IGF1R: variants seen among roughly 807,000 people sequenced by gnomAD.
IGF1R encodes insulin-like growth factor 1 receptor.
Under a neutral mutation model 144.6 loss-of-function variants are expected in IGF1R, and 44 were observed. The ratio of observed to expected loss-of-function variants is 0.30; its 90% CI spans 0.24 to 0.39. The LOEUF (loss-of-function observed/expected upper bound fraction) is 0.39. Among genes scored for constraint, IGF1R ranks in the 10% least tolerant of loss-of-function variants. IGF1R has a pLI of 1.00. For missense variants in IGF1R, 1,355 were observed against 1,833.7 expected, an observed-to-expected ratio of 0.74 and a Z score of 4.77; for synonymous variants, 795 against 722.8, an observed-to-expected ratio of 1.10 and a Z score of -1.60.
intron 5 of IGF1R, among the ~76,000 whole-genome samples, chr15:98,906,146 A>G (rs2014721027): frequency 6.6e-6 from 1 of 152,240 alleles, no homozygotes. Context: ...ACAGAATTTC[A>G]GTGTGCCTGC....
Position 98,874,027 on chromosome 15 carries a change from G to A in IGF1R, c.641-17298G>A, listed in dbSNP as rs1043230971. Among the ~76,000 whole-genome samples, 14 of 152,272 alleles carry A rather than the reference G, an allele frequency of 9.2e-5. No homozygotes were observed. In the South Asian group the frequency reaches 1.0e-3, roughly 11 times the overall value. On this transcript the variant is annotated intron_variant, in intron 2 of 20. Transcript: ENST00000650285. ...CTGAGCTTATTAAGAGCCCTGCGGC[G>A]CTTCCTCTGCCGGGGGTTTAGAAAT...
intron 5 of IGF1R, among the ~76,000 whole-genome samples, chr15:98,902,324 T>A (rs1366918201): frequency 2.0e-5 from 3 of 152,114 alleles, no homozygotes; most frequent in Admixed American, 1.3e-4. Context: ...CTTTGACGGT[T>A]TTTTTTCCTA....
At chr15:98,664,631 T>G (rs1054165490) in intron 1 of IGF1R, among the ~76,000 whole-genome samples, 17 of 145,394 alleles carry the variant, frequency 1.2e-4, no homozygotes, top group African/African-American at 4.5e-4. Flanking sequence ...GGTTGGAGGT[T>G]GCAGTGAGCC....
At chr15:98,949,799 C>A (rs992336976) in intron 20 of IGF1R, among the ~76,000 whole-genome samples, 1 of 152,150 alleles carries the variant, frequency 6.6e-6, no homozygotes, top group Non-Finnish European at 1.5e-5. Context: ...GAGAAGCCCC[C>A]CTTTTGGTGG....
chr15:98,649,525 CTTTTTTTT>C lies in IGF1R; in HGVS notation c.-40_-33del, dbSNP rs544674838. On this transcript the variant is annotated 5_prime_UTR_variant, in exon 1 of 21. Transcript: ENST00000650285. The stretch of plus-strand genomic sequence containing the variant: ...TCATTTCCTTTTTTTCTTTTCTTTT[CTTTTTTTT>C]TTTTTTTTTTTTTTTTGAGAAAGGG... 0.15 allele frequency: 103,068 copies of C among 708,360 alleles called. 4,427 individuals are homozygous for C. Among genetic ancestry groups the C allele is most frequent in the African/African-American group, 0.38 (18,087 of 47,524 alleles). 43.9% of individuals were successfully genotyped at this position (708,360 alleles called of 1,614,324 possible). A position where few individuals can be genotyped will look rare whatever the true frequency, so the allele number is the denominator to read the frequency against.
chr15:98,666,038 G>C (rs2052729670), intron 1 of IGF1R, among the ~76,000 whole-genome samples: 1 of 152,216 alleles, frequency 6.6e-6, no homozygotes, highest in Non-Finnish European at 1.5e-5. Context: ...TTTGCTTTCT[G>C]TGATGAGAGG....
chr15:98,879,361 T>C (rs2013252734), intron 2 of IGF1R, among the ~76,000 whole-genome samples: 1 of 152,222 alleles, frequency 6.6e-6, no homozygotes, highest in African/African-American at 2.4e-5. Flanking sequence ...TTTATTCCTT[T>C]GCTTTTTTCC....
chr15:98,670,369 A>G (rs1394359577), intron 1 of IGF1R, among the ~76,000 whole-genome samples: 4 of 151,958 alleles, frequency 2.6e-5, no homozygotes, highest in Admixed American at 6.6e-5. Context: ...TTAAAAATGT[A>G]TTTTGGGGCT....
chr15:98,651,108 A>C, intron 1 of IGF1R: 1 of 972,904 alleles, frequency 1.0e-6, no homozygotes, highest in South Asian at 4.8e-5. Context: ...GAGGGTATGC[A>C]GGTGGTGCCG....
intron 2 of IGF1R, among the ~76,000 whole-genome samples, chr15:98,778,999 G>A (rs1030957659): frequency 6.6e-5 from 10 of 152,204 alleles, no homozygotes; most frequent in African/African-American, 2.4e-4. Context: ...TACTCTGGGA[G>A]TGCATAATAC....
chr15:98,825,477 T>A (rs1481181136), intron 2 of IGF1R, among the ~76,000 whole-genome samples: 1 of 152,232 alleles, frequency 6.6e-6, no homozygotes, highest in Non-Finnish European at 1.5e-5. Flanking sequence ...GCAGGCCAAC[T>A]AGCATTAACT....
Position 98,961,217 on chromosome 15 carries a change from C to T in IGF1R, c.*3775C>T, listed in dbSNP as rs2017212329. 4.3e-6 allele frequency: 1 copy of T among 233,538 alleles called. No homozygotes were observed. Among genetic ancestry groups the T allele is most frequent in the Non-Finnish European group, 8.5e-6 (1 of 117,988 alleles). The allele number at this position is 233,538 out of a possible 1,614,324, so 14.5% of individuals were successfully genotyped here. A position where few individuals can be genotyped will look rare whatever the true frequency, so the allele number is the denominator to read the frequency against. ...TGACCCCTTGGAATAACGGCCTCTCCTCTCGTGCACATACCTACCGGTTTC... is the reference window on the plus strand; with the variant it reads ...TGACCCCTTGGAATAACGGCCTCTCTTCTCGTGCACATACCTACCGGTTTC... On this transcript the variant is annotated 3_prime_UTR_variant, in exon 21 of 21. Transcript: ENST00000650285.
At chr15:98,932,917 T>C (rs571473253) in intron 15 of IGF1R, among the ~76,000 whole-genome samples, 1 of 152,252 alleles carries the variant, frequency 6.6e-6, no homozygotes, top group Non-Finnish European at 1.5e-5. Flanking sequence ...GCCTAATTTA[T>C]AATAAACATC....
chr15:98,819,167 A>AGG (rs2056757888), intron 2 of IGF1R, among the ~76,000 whole-genome samples: 1 of 151,436 alleles, frequency 6.6e-6, no homozygotes, highest in Non-Finnish European at 1.5e-5. Context: ...TGTAGGGCTC[A>AGG]GGGGACAGGC....
At chr15:98,890,588 T>G (rs2013858571) in intron 2 of IGF1R, 1 of 152,862 alleles carries the variant, frequency 6.5e-6, no homozygotes, top group Admixed American at 6.5e-5. Context: ...ATCAGCTTGC[T>G]TTCAGTTTAC....
At chr15:98,656,081 C>G (rs1295064834) in intron 1 of IGF1R, among the ~76,000 whole-genome samples, 1 of 152,196 alleles carries the variant, frequency 6.6e-6, no homozygotes, top group Non-Finnish European at 1.5e-5. Context: ...GGATGAACAC[C>G]TACGATTGCA....
chr15:98,869,014 G>A (rs1596377140), intron 2 of IGF1R, among the ~76,000 whole-genome samples: 1 of 152,140 alleles, frequency 6.6e-6, no homozygotes, highest in African/African-American at 2.4e-5. Flanking sequence ...GGGGAAACCT[G>A]CAAAGAAATG....
chr15:98,875,726 G>A (rs1880447736), intron 2 of IGF1R, among the ~76,000 whole-genome samples: 1 of 152,150 alleles, frequency 6.6e-6, no homozygotes, highest in Admixed American at 6.5e-5. Flanking sequence ...ATGTTTGGGA[G>A]GCAATTAAAA....
At chr15:98,904,777 G>A (rs1012472832) in intron 5 of IGF1R, among the ~76,000 whole-genome samples, 2 of 152,162 alleles carry the variant, frequency 1.3e-5, no homozygotes, top group African/African-American at 4.8e-5. Context: ...CTGAAAATGG[G>A]GAAACTGTCC....
Sources: allele counts gnomAD v4.1 joint callset (sites outside exome capture counted in the v4.1 genomes callset), GRCh38; gene constraint gnomAD v4.1.1; transcripts MANE v1.5; gene names NCBI Gene and HGNC (gene_info 2026-07-23, HGNC 2026-07-21).